Variants in EPHA6 observed in about 807,000 individuals in gnomAD.
EPHA6 encodes EPH receptor A6.
EPHA6 carries 50 observed loss-of-function variants against 112.0 expected under a neutral mutation model. That is an observed-to-expected ratio of 0.45 (90% CI 0.36 to 0.56). The LOEUF (loss-of-function observed/expected upper bound fraction) is 0.56. Ranked by LOEUF, EPHA6 falls within the 20% of genes least tolerant of loss-of-function variation. EPHA6 has a pLI of 0.00. For missense variants in EPHA6, 1,280 were observed against 1,417.4 expected (o/e 0.90, Z 1.56); for synonymous variants, 529 against 490.7 (o/e 1.08, Z -1.03).
chr3:96,836,302 C>A (rs1402164852), intron 1 of EPHA6, among the ~76,000 whole-genome samples: 1 of 152,026 alleles, frequency 6.6e-6, no homozygotes, highest in East Asian at 1.9e-4. Flanking sequence ...AAAATAATAA[C>A]CTTTTTCCTA....
chr3:96,996,177 G>A (rs2043413081), intron 3 of EPHA6, among the ~76,000 whole-genome samples: 1 of 152,118 alleles, frequency 6.6e-6, no homozygotes, highest in Non-Finnish European at 1.5e-5. Context: ...AACTCCTGAT[G>A]TTTTCAAGTT....
At chr3:97,356,531 T>A (rs1216602237) in intron 5 of EPHA6, among the ~76,000 whole-genome samples, 1 of 152,144 alleles carries the variant, frequency 6.6e-6, no homozygotes, top group Non-Finnish European at 1.5e-5. Flanking sequence ...GTTTTCTAAT[T>A]TCCCTTGTAA....
intron 3 of EPHA6, among the ~76,000 whole-genome samples, chr3:97,020,806 G>T (rs1173668241): frequency 6.6e-6 from 1 of 152,002 alleles, no homozygotes; most frequent in Non-Finnish European, 1.5e-5. Flanking sequence ...TTCCCCTTAA[G>T]AGTCTGTTCT....
At chr3:97,594,225 C>T (rs9289400) in intron 12 of EPHA6, among the ~76,000 whole-genome samples, 120 of 152,280 alleles carry the variant, frequency 7.9e-4, no homozygotes, top group African/African-American at 2.9e-3. Flanking sequence ...TATTCAACAT[C>T]ACTGTTAGAA....
At chr3:97,494,274 G>A (rs995405039) in intron 10 of EPHA6, among the ~76,000 whole-genome samples, 3 of 152,120 alleles carry the variant, frequency 2.0e-5, no homozygotes, top group African/African-American at 7.2e-5. Context: ...TTCCCCAAAA[G>A]TTATTTCCGC....
chr3:97,173,702 T>C (rs1454688554), intron 3 of EPHA6, among the ~76,000 whole-genome samples: 1 of 151,814 alleles, frequency 6.6e-6, no homozygotes, highest in African/African-American at 2.4e-5. Context: ...ATTTAGTGTA[T>C]AGATTTATAA....
chr3:97,543,474 A>G (rs1038106982), intron 11 of EPHA6, among the ~76,000 whole-genome samples: 2 of 152,190 alleles, frequency 1.3e-5, no homozygotes, highest in African/African-American at 2.4e-5. Context: ...TGGTACCAGT[A>G]CCATGCTGTT....
intron 1 of EPHA6, among the ~76,000 whole-genome samples, chr3:96,854,069 A>C (rs554817994): frequency 1.1e-4 from 16 of 151,308 alleles, no homozygotes; most frequent in Non-Finnish European, 2.1e-4. Context: ...TAAATTCCTC[A>C]CCTACTCATA....
chr3:96,903,986 G>A (rs2038770121), intron 2 of EPHA6, among the ~76,000 whole-genome samples: 1 of 152,122 alleles, frequency 6.6e-6, no homozygotes, highest in South Asian at 2.1e-4. Context: ...TGGAGAAATA[G>A]AAACACTTTT....
At chr3:97,735,898 G>C (rs1375051835) in intron 15 of EPHA6, 27 bp from the exon 16 acceptor site, 3 of 1,499,832 alleles carry the variant, frequency 2.0e-6, no homozygotes, top group South Asian at 2.7e-5. Context: ...AAAAATAAGA[G>C]AGTAATCTGT....
At chr3:97,294,167 G>T (rs151138068) in intron 5 of EPHA6, among the ~76,000 whole-genome samples, 1 of 152,320 alleles carries the variant, frequency 6.6e-6, no homozygotes, top group Non-Finnish European at 1.5e-5. Flanking sequence ...GCAGCTGCAC[G>T]TGGGAGCGCA....
chr3:97,079,606 T>TAAAAA (rs71113851), intron 3 of EPHA6, among the ~76,000 whole-genome samples: 2 of 113,268 alleles, frequency 1.8e-5, no homozygotes, highest in Admixed American at 8.5e-5. Flanking sequence ...AAATTAAAAG[T>TAAAAA]AAAAAAAAAA....
intron 2 of EPHA6, among the ~76,000 whole-genome samples, chr3:96,922,989 C>T (rs1576044369): frequency 6.6e-6 from 1 of 152,282 alleles, no homozygotes; most frequent in East Asian, 1.9e-4. Flanking sequence ...TTTATGGCTG[C>T]ATAGTATTCC....
At chr3:97,060,574 G>C (rs1576412857) in intron 3 of EPHA6, among the ~76,000 whole-genome samples, 1 of 152,056 alleles carries the variant, frequency 6.6e-6, no homozygotes, top group African/African-American at 2.4e-5. Flanking sequence ...AACAAACAAA[G>C]AATTACACAT....
chr3:97,648,383 C>A, intron 14 of EPHA6: 3 of 1,512,892 alleles, frequency 2.0e-6, no homozygotes, highest in South Asian at 1.2e-5. Flanking sequence ...AGCCTACACC[C>A]AACTGGAGAT....
chr3:97,465,282 T>A (rs1372626832), intron 7 of EPHA6, among the ~76,000 whole-genome samples: 2 of 152,054 alleles, frequency 1.3e-5, no homozygotes, highest in African/African-American at 4.8e-5. Flanking sequence ...AAAATCAATA[T>A]GCATAAGTAA....
intron 15 of EPHA6, among the ~76,000 whole-genome samples, chr3:97,734,749 G>C (rs1011603698): frequency 6.6e-6 from 1 of 151,896 alleles, no homozygotes; most frequent in Non-Finnish European, 1.5e-5. Context: ...GTTAAATTTT[G>C]CCTGTCTTTA....
intron 3 of EPHA6, among the ~76,000 whole-genome samples, chr3:97,165,398 A>G (rs1212099525): frequency 6.6e-6 from 1 of 152,122 alleles, no homozygotes; most frequent in African/African-American, 2.4e-5. Flanking sequence ...GCAAAGTATA[A>G]TGACTTACAC....
At chr3:96,976,929 G>A (rs1420273685) in intron 2 of EPHA6, among the ~76,000 whole-genome samples, 1 of 152,110 alleles carries the variant, frequency 6.6e-6, no homozygotes, top group Non-Finnish European at 1.5e-5. Flanking sequence ...GTTCACTGGA[G>A]GACTAAAGTT....
Sources: allele counts gnomAD v4.1 joint callset (sites outside exome capture counted in the v4.1 genomes callset), GRCh38; gene constraint gnomAD v4.1.1; transcripts MANE v1.5; gene names NCBI Gene and HGNC (gene_info 2026-07-23, HGNC 2026-07-21).